NCKAP5: variants seen among roughly 807,000 people sequenced by gnomAD.
The protein encoded by NCKAP5 is nck-associated protein 5.
A neutral mutation model predicts 167.0 loss-of-function variants in NCKAP5; 92 were observed. That is an observed-to-expected ratio of 0.55 (90% CI 0.47 to 0.66). The LOEUF (loss-of-function observed/expected upper bound fraction) is 0.66. Ranked by LOEUF, NCKAP5 falls within the 30% of genes least tolerant of loss-of-function variation. The pLI, the probability that NCKAP5 is intolerant of heterozygous loss-of-function variation, is 0.00. For missense variants in NCKAP5, 2,378 were observed against 2,315.0 expected (o/e 1.03, Z -0.56); for synonymous variants, 891 against 877.4 (o/e 1.02, Z -0.27).
the NCKAP5 span, among the ~76,000 whole-genome samples, chr2:133,615,850 T>C: frequency 3.3e-5 from 5 of 152,082 alleles, no homozygotes; most frequent in African/African-American, 1.2e-4. Context: ...GAATGTACAT[T>C]TTTTTCAGCA....
At chr2:133,165,042 T>C (rs1041561367) in intron 5 of NCKAP5, among the ~76,000 whole-genome samples, 1 of 151,480 alleles carries the variant, frequency 6.6e-6, no homozygotes, top group African/African-American at 2.4e-5. Context: ...CTAGGTGACA[T>C]TTGGCCATGT....
chr2:132,768,738 C>T (rs567336586), intron 16 of NCKAP5, among the ~76,000 whole-genome samples: 17 of 148,774 alleles, frequency 1.1e-4, no homozygotes, highest in African/African-American at 4.0e-4. Context: ...CTCCCAGGTT[C>T]ACGCCATTCT....
rs564990973 is a variant in NCKAP5 at position 132,968,238 on chromosome 2, T to C, written c.430-4369A>G. 4.3e-4 allele frequency among the ~76,000 whole-genome samples: 66 copies of C among 152,298 alleles called. 3 individuals are homozygous for C. The South Asian group carries it at 0.013, about 31-fold the overall frequency. ...GAGTGGTAGGTTCTGATTTACATTT[T>C]AGAAACATCATCCTGACTGCTGCAA... On this transcript the variant is annotated intron_variant, in intron 7 of 19. Transcript: ENST00000409261.
chr2:133,447,107 T>C (rs559127822), intron 3 of NCKAP5, among the ~76,000 whole-genome samples: 1 of 152,260 alleles, frequency 6.6e-6, no homozygotes, highest in Admixed American at 6.5e-5. Flanking sequence ...GTAAAAGGTA[T>C]GGCTTCATGG....
chr2:133,047,997 C>T (rs1182346571), intron 6 of NCKAP5, among the ~76,000 whole-genome samples: 1 of 152,218 alleles, frequency 6.6e-6, no homozygotes, highest in Admixed American at 6.5e-5. Context: ...AAAGTTTATA[C>T]TTCTAAAACT....
chr2:133,024,294 A>G (rs2078624114), intron 6 of NCKAP5, among the ~76,000 whole-genome samples: 1 of 152,226 alleles, frequency 6.6e-6, no homozygotes, highest in Admixed American at 6.5e-5. Flanking sequence ...ACACAGACAC[A>G]TATTTTAGTA....
At chr2:132,951,054 A>G (rs2076171652) in intron 8 of NCKAP5, among the ~76,000 whole-genome samples, 1 of 152,214 alleles carries the variant, frequency 6.6e-6, no homozygotes, top group South Asian at 2.1e-4. Flanking sequence ...CCAACTGCTC[A>G]TGTTCCTTGC....
chr2:133,444,453 G>C lies in NCKAP5; in HGVS notation c.69+73005C>G, dbSNP rs368211665. ...ATTTAAAAAGATGTATACATCTTCT[G>C]GTATTGCTTTAAAATTGCTCTTAAT... On this transcript the variant is annotated intron_variant, in intron 3 of 19. Coordinates refer to ENST00000409261, the MANE Select transcript of NCKAP5 (RefSeq NM_207363.3). Among the ~76,000 whole-genome samples, 6 of 152,226 alleles carry C rather than the reference G, an allele frequency of 3.9e-5. No individual in the cohort carries two copies. In the South Asian group the frequency reaches 6.2e-4, roughly 16 times the overall value.
rs151258197 is a variant in NCKAP5, at chr2:132,781,663, G to A, written c.4871+277C>T. Reference sequence around the variant, plus strand: ...GGGTACATTCATAGCTCCTAGTGTAGGTGGAATTGCTATCAACCCTGATAA... The same window carrying A: ...GGGTACATTCATAGCTCCTAGTGTAAGTGGAATTGCTATCAACCCTGATAA... On this transcript the variant is annotated intron_variant, in intron 14 of 19. Coordinates refer to ENST00000409261, the MANE Select transcript of NCKAP5 (RefSeq NM_207363.3). Among the ~76,000 whole-genome samples, 6 of 152,240 alleles carry A rather than the reference G, an allele frequency of 3.9e-5. No homozygotes were observed. The East Asian group carries it at 1.2e-3, about 29-fold the overall frequency.
At chr2:132,712,454 A>G (rs952179147) in intron 19 of NCKAP5, among the ~76,000 whole-genome samples, 5 of 152,164 alleles carry the variant, frequency 3.3e-5, no homozygotes, top group African/African-American at 1.2e-4. Context: ...GATTGGGACC[A>G]TCCTGGCTAA....
At chr2:133,129,245 C>T (rs542748428) in intron 6 of NCKAP5, among the ~76,000 whole-genome samples, 3 of 152,034 alleles carry the variant, frequency 2.0e-5, no homozygotes, top group African/African-American at 7.2e-5. Context: ...TCCCTCCCCG[C>T]TCCCCCCACC....
chr2:132,728,212 C>T (rs1357082954), intron 18 of NCKAP5, among the ~76,000 whole-genome samples: 1 of 152,064 alleles, frequency 6.6e-6, no homozygotes, highest in Non-Finnish European at 1.5e-5. Flanking sequence ...GGAGGGGGTA[C>T]CACATAACCC....
intron 1 of NCKAP5, among the ~76,000 whole-genome samples, chr2:133,567,160 TGG>T (rs1688610353): frequency 6.6e-6 from 1 of 152,210 alleles, no homozygotes; most frequent in African/African-American, 2.4e-5. Context: ...TGCAGCGGGC[TGG>T]GCTGTCAGGT....
chr2:132,977,179 C>A (rs182370262), intron 7 of NCKAP5, among the ~76,000 whole-genome samples: 4 of 152,192 alleles, frequency 2.6e-5, no homozygotes, highest in African/African-American at 9.6e-5. Context: ...CTGCACAACA[C>A]AGAAGGCATT....
At chr2:133,565,729 GCATCAAGGGCCTTCAAC>G (rs1275390277) in intron 1 of NCKAP5, among the ~76,000 whole-genome samples, 1 of 152,218 alleles carries the variant, frequency 6.6e-6, no homozygotes, top group Non-Finnish European at 1.5e-5. Flanking sequence ...CAGAAGTCTG[GCATCAAGGGCCTTCAAC>G]CACAGTGAAG....
chr2:132,799,306 C>T (rs13006471), intron 11 of NCKAP5, among the ~76,000 whole-genome samples: 49,140 of 151,588 alleles, frequency 0.32, 8,616 homozygotes, highest in East Asian at 0.47. Context: ...GTACTATGCT[C>T]ACTACCTCGG....
intron 2 of NCKAP5, among the ~76,000 whole-genome samples, chr2:133,523,036 C>T (rs150060167): frequency 6.6e-4 from 101 of 151,990 alleles, no homozygotes; most frequent in African/African-American, 2.1e-3. Context: ...CCCTCACATA[C>T]ACCCATCTCT....
chr2:132,963,919 G>A (rs2076589802), intron 7 of NCKAP5, 50 bp from the exon 8 acceptor site: 2 of 1,599,928 alleles, frequency 1.3e-6, no homozygotes, highest in Non-Finnish European at 1.7e-6. Context: ...TGAAAAATAA[G>A]CATGAGTGTG....
In NCKAP5 at chr2:133,427,846, A is replaced by G. The variant is rs181518467; in HGVS notation, c.69+89612T>C. On this transcript the variant is annotated intron_variant, in intron 3 of 19. Transcript: ENST00000409261. ...AGGTTATCATGCTTATTTATACTAT[A>G]TAGTAACAGAAAAGAAAATTAAAAG... is the stretch of plus-strand genomic sequence containing the variant. Among the ~76,000 whole-genome samples the G allele has an allele frequency of 3.4e-3, 522 of 152,234 alleles. 6 individuals carry two copies. The highest frequency in any genetic ancestry group is 0.011 in the African/African-American group (463 of 41,570).
Sources: allele counts gnomAD v4.1 joint callset (sites outside exome capture counted in the v4.1 genomes callset), GRCh38; gene constraint gnomAD v4.1.1; transcripts MANE v1.5; gene names NCBI Gene and HGNC (gene_info 2026-07-23, HGNC 2026-07-21).